Variants in SEMA4B observed in about 807,000 individuals in gnomAD.
The protein encoded by SEMA4B is semaphorin 4B.
SEMA4B carries 55 observed loss-of-function variants against 88.1 expected under a neutral mutation model. That is an observed-to-expected ratio of 0.62 (90% confidence interval 0.50 to 0.78). SEMA4B has a LOEUF of 0.78. Ranked by LOEUF, SEMA4B falls within the 30% of genes least tolerant of loss-of-function variation. The probability of loss-of-function intolerance (pLI) is 0.00; values close to 1 mark genes in which losing one functional copy is unlikely to be tolerated. For synonymous variants in SEMA4B, 525 were observed against 473.6 expected, an observed-to-expected ratio of 1.11 and a Z score of -1.41; for missense variants, 1,062 against 1,111.9, an observed-to-expected ratio of 0.96 and a Z score of 0.64.
chr15:90,227,294 G>A, intron 12 of SEMA4B: 1 of 441,562 alleles, frequency 2.3e-6, no homozygotes, highest in Non-Finnish European at 4.0e-6. Context: ...CGATCTACCG[G>A]CCTTGGCCTC....
chr15:90,221,282 G>A (rs1031562253), intron 5 of SEMA4B, 85 bp from the exon 6 acceptor site: 8 of 1,274,422 alleles, frequency 6.3e-6, no homozygotes, highest in Non-Finnish European at 8.9e-6. Context: ...GGCAAAACGG[G>A]CAGTGCTGGG....
chr15:90,221,140 C>G lies in SEMA4B; in HGVS notation c.595+47C>G, dbSNP rs77809173. ...GCTTCATTGAGGTTCCATGTAGGGG[C>G]ACACAGGGCTAGAGGGCTAGCTTTG... On this transcript the variant is annotated intron_variant, in intron 5 of 13. Transcript: ENST00000411539. The G allele has an allele frequency of 9.5e-6, 13 of 1,364,028 alleles. No homozygotes were observed. The African/African-American group carries it at 1.7e-4, about 18-fold the overall frequency. The allele number at this position is 1,364,028 out of a possible 1,614,324, so 84.5% of individuals were successfully genotyped here.
chr15:90,192,948 A>G (rs1385198202), intron 1 of SEMA4B, among the ~76,000 whole-genome samples: 1 of 151,886 alleles, frequency 6.6e-6, no homozygotes, highest in Non-Finnish European at 1.5e-5. Flanking sequence ...GTCCTTGTGT[A>G]TGTATGTGTG....
At chr15:90,204,592 G>A (rs957625958) in intron 1 of SEMA4B, among the ~76,000 whole-genome samples, 8 of 152,168 alleles carry the variant, frequency 5.3e-5, no homozygotes, top group Non-Finnish European at 1.2e-4. Context: ...GGGTTCTCTT[G>A]CGTTGGAACT....
At chr15:90,220,734 G>A (rs1268653771) in intron 4 of SEMA4B, among the ~76,000 whole-genome samples, 8 of 152,152 alleles carry the variant, frequency 5.3e-5, no homozygotes, top group Middle Eastern at 6.3e-3. Flanking sequence ...GTCCCGCGTC[G>A]GGTCACTGTG....
chr15:90,202,473 C>A (rs533848186), intron 1 of SEMA4B, among the ~76,000 whole-genome samples: 304 of 152,342 alleles, frequency 2.0e-3, no homozygotes, highest in African/African-American at 7.3e-3. Context: ...TCTGTGGCCA[C>A]CTCCTGTTTC....
At chr15:90,195,924 C>CT (rs776885861) in intron 1 of SEMA4B, among the ~76,000 whole-genome samples, 7,927 of 76,552 alleles carry the variant, frequency 0.1, 790 homozygotes, top group African/African-American at 0.3. Flanking sequence ...TTGTACTTCT[C>CT]TTTTTTTTTT....
At chr15:90,216,855 A>AT (rs1178930825) in intron 1 of SEMA4B, among the ~76,000 whole-genome samples, 7 of 151,864 alleles carry the variant, frequency 4.6e-5, no homozygotes, top group Non-Finnish European at 1.0e-4. Flanking sequence ...AAAAAAAAAG[A>AT]AAAGCCCATG....
At chr15:90,204,749 C>T (rs1960911228) in intron 1 of SEMA4B, among the ~76,000 whole-genome samples, 1 of 152,032 alleles carries the variant, frequency 6.6e-6, no homozygotes, top group East Asian at 1.9e-4. Flanking sequence ...CTTTTTGGGC[C>T]ACCTTATTTG....
At chr15:90,218,476 A>G (rs1282848669) in intron 3 of SEMA4B, among the ~76,000 whole-genome samples, 1 of 152,196 alleles carries the variant, frequency 6.6e-6, no homozygotes, top group Non-Finnish European at 1.5e-5. Flanking sequence ...ATGTACTTTT[A>G]GGTACTGGAG....
chr15:90,214,363 C>G (rs533758066), intron 1 of SEMA4B, among the ~76,000 whole-genome samples: 1 of 146,808 alleles, frequency 6.8e-6, no homozygotes, highest in African/African-American at 2.6e-5. Flanking sequence ...AGCTGCTGGG[C>G]GTGGTGGCTC....
intron 8 of SEMA4B, 33 bp downstream of exon 8, chr15:90,223,773 G>T (rs1460237023): frequency 6.2e-7 from 1 of 1,605,224 alleles, no homozygotes; most frequent in East Asian, 2.2e-5. Context: ...GAGATGGAAG[G>T]GTGAAGGGTG....
chr15:90,193,247 A>G (rs887062007), intron 1 of SEMA4B: 3 of 152,282 alleles, frequency 2.0e-5, no homozygotes, highest in African/African-American at 7.2e-5. Flanking sequence ...TCCCGCTCGC[A>G]GGAAGTCTGC....
chr15:90,224,134 C>T, intron 9 of SEMA4B, 146 bp downstream of exon 9: 1 of 715,380 alleles, frequency 1.4e-6, no homozygotes. Context: ...GATATAGGCC[C>T]AGGCCTGCTT....
intron 5 of SEMA4B, 129 bp downstream of exon 5, chr15:90,221,222 G>A (rs1223209241): frequency 9.0e-7 from 1 of 1,107,978 alleles, no homozygotes; most frequent in African/African-American, 1.6e-5. Flanking sequence ...CCAGGGGCTT[G>A]CCTTGGGTTT....
upstream of SEMA4B, among the ~76,000 whole-genome samples, chr15:90,198,087 C>T (rs916484944): frequency 1.3e-5 from 2 of 151,638 alleles, no homozygotes; most frequent in Admixed American, 6.6e-5. Context: ...CCACTGTGCC[C>T]GGCTAATTTT....
In SEMA4B at chr15:90,201,394, C is replaced by T; in HGVS notation, c.-185C>T. The T allele has an allele frequency of 1.6e-6, 2 of 1,274,680 alleles. No individual in the cohort carries two copies. Among genetic ancestry groups the T allele is most frequent in the Non-Finnish European group, 2.0e-6 (2 of 1,012,174 alleles). The allele number at this position is 1,274,680 out of a possible 1,614,324, so 79.0% of individuals were successfully genotyped here. A position where few individuals can be genotyped will look rare whatever the true frequency, so the allele number is the denominator to read the frequency against. ...CGGCGCCGGCGGGAGGACTGCGGTGCCCCGCGGAGGGGCTGAGTTTGCCAG... is the reference window on the plus strand; with the variant it reads ...CGGCGCCGGCGGGAGGACTGCGGTGTCCCGCGGAGGGGCTGAGTTTGCCAG... On this transcript the variant is annotated 5_prime_UTR_variant, in exon 1 of 14. Transcript: ENST00000411539.
intron 7 of SEMA4B, among the ~76,000 whole-genome samples, chr15:90,223,334 G>A (rs536876848): frequency 2.0e-5 from 3 of 152,314 alleles, no homozygotes; most frequent in South Asian, 4.1e-4. Flanking sequence ...GCTCAGCAGT[G>A]AATCGCGTCC....
Position 90,212,801 on chromosome 15 carries a change from T to C in SEMA4B, c.158-4638T>C, listed in dbSNP as rs1377441936. 6.6e-6 allele frequency among the ~76,000 whole-genome samples: 1 copy of C among 152,182 alleles called. No homozygotes were observed. Among genetic ancestry groups the C allele is most frequent in the Non-Finnish European group, 1.5e-5 (1 of 68,028 alleles). On this transcript the variant is annotated intron_variant, in intron 1 of 13. Transcript: ENST00000411539. The surrounding 1 kb of genome is among the most constrained non-coding windows in gnomAD (Gnocchi z 4.0). Reference sequence around the variant, plus strand: ...AGCTCGCGCCCACAACACGAGCCTGTGACACGCAAGTCTCTGTTTCTGAGC... The same window carrying C: ...AGCTCGCGCCCACAACACGAGCCTGCGACACGCAAGTCTCTGTTTCTGAGC...
Sources: gnomAD v4.1 joint callset for allele counts (sites outside exome capture counted in the v4.1 genomes callset) on GRCh38, gnomAD v4.1.1 for gene constraint, Gnocchi (gnomAD v3.1) non-coding constraint, MANE v1.5 for transcripts, NCBI Gene and HGNC (gene_info 2026-07-23, HGNC 2026-07-21) for gene names.